TGIF1: variants seen among roughly 807,000 people sequenced by gnomAD.
TGIF1 encodes the protein TGFB induced factor homeobox 1.
TGIF1 carries 4 observed loss-of-function variants against 19.3 expected under a neutral mutation model. The ratio of observed to expected loss-of-function variants is 0.21; its 90% CI spans 0.10 to 0.47. The LOEUF (loss-of-function observed/expected upper bound fraction) is 0.47, where lower values mean the gene tolerates loss of function less well. Ranked by LOEUF, TGIF1 falls within the 20% of genes least tolerant of loss-of-function variation. The probability of loss-of-function intolerance (pLI) is 0.98; values close to 1 mark genes in which losing one functional copy is unlikely to be tolerated. For missense variants in TGIF1, 275 were observed against 341.4 expected (o/e 0.81, Z 1.53); for synonymous variants, 122 against 129.3 (o/e 0.94, Z 0.38).
chr18:3,447,736 G>C, upstream of TGIF1: 1 of 1,614,186 alleles, frequency 6.2e-7, no homozygotes, highest in Non-Finnish European at 8.5e-7. Context: ...ACAACCGTTT[G>C]GATATGACTT....
At chr18:3,423,427 C>G (rs181374546) in intron 2 of TGIF1, among the ~76,000 whole-genome samples, 10 of 152,130 alleles carry the variant, frequency 6.6e-5, no homozygotes, top group East Asian at 1.9e-4. Context: ...CGCTTGTAAT[C>G]CCAGCACTTT....
chr18:3,448,192 C>T (rs1398803529), upstream of TGIF1: 11 of 985,286 alleles, frequency 1.1e-5, no homozygotes, highest in Non-Finnish European at 1.3e-5. Flanking sequence ...CCAGTAACCG[C>T]CCGGTTCCAG....
chr18:3,458,231 TTTG>T lies in TGIF1; in HGVS notation c.*294_*296del, dbSNP rs1466678731. On this transcript the variant is annotated 3_prime_UTR_variant, in exon 3 of 3. Transcript: ENST00000343820. Reference sequence around the variant, plus strand: ...TTTTTTTTTCCTCCCCTTCCCTTTTTTTGTTATTTTTTCAGACTGTGCAATACT... The same window carrying T: ...TTTTTTTTTCCTCCCCTTCCCTTTTTTTATTTTTTCAGACTGTGCAATACT... 5 of 385,866 alleles carry T rather than the reference TTTG, an allele frequency of 1.3e-5. No homozygotes were observed. The highest frequency in any genetic ancestry group is 5.8e-5 in the South Asian group (2 of 34,318). 23.9% of individuals were successfully genotyped at this position (385,866 alleles called of 1,614,324 possible).
rs745307264 is a variant in TGIF1 at position 3,456,372 on chromosome 18, G to T, written c.35G>T (p.Gly12Val). 1.9e-6 allele frequency: 3 copies of T among 1,614,088 alleles called. No individual in the cohort carries two copies. The highest frequency in any genetic ancestry group is 1.6e-4 in the Middle Eastern group (1 of 6,076). The stretch of plus-strand genomic sequence containing the variant: ...TTCCTAGGTATTGTTGCAGCATCTG[G>T]CAGTGAGACTGAGGATGAGGACAGC... Reference protein sequence around the residue: ...KGKKGIVAASGSETEDEDSMD... With the variant: ...KGKKGIVAASVSETEDEDSMD... Residue 12 changes from glycine to valine, a missense_variant, in exon 2 of 3, where the codon GGC becomes GTC. Transcript: ENST00000343820. This position sits in a 1 kb window ranked among gnomAD's most constrained non-coding sequence, Gnocchi z 4.2.
upstream of TGIF1, among the ~76,000 whole-genome samples, chr18:3,446,345 G>A (rs1323088041): frequency 2.0e-5 from 3 of 152,158 alleles, no homozygotes; most frequent in Middle Eastern, 3.4e-3. Context: ...CACCACGCCC[G>A]GCTAATTTTT....
At chr18:3,437,981 G>A (rs1568037735) in intron 2 of TGIF1, among the ~76,000 whole-genome samples, 2 of 152,176 alleles carry the variant, frequency 1.3e-5, no homozygotes, top group South Asian at 4.1e-4. Context: ...CCACTTGGGA[G>A]ACTGAGGCAG....
At chr18:3,440,646 C>T (rs1356874399) in intron 2 of TGIF1, among the ~76,000 whole-genome samples, 1 of 152,164 alleles carries the variant, frequency 6.6e-6, no homozygotes, top group Non-Finnish European at 1.5e-5. Flanking sequence ...ATTTCAGATG[C>T]CTGCTCAGGT....
chr18:3,454,679 T>G (rs1451778882), intron 1 of TGIF1, among the ~76,000 whole-genome samples: 1 of 152,204 alleles, frequency 6.6e-6, no homozygotes, highest in Non-Finnish European at 1.5e-5. Context: ...AAAACCTTTT[T>G]AAAAACTTAA....
In TGIF1 at chr18:3,450,497, G is replaced by A. The variant is rs1190872296; in HGVS notation, c.8G>A (p.Gly3Asp). 1.3e-6 allele frequency: 2 copies of A among 1,563,528 alleles called. No individual in the cohort carries two copies. Among genetic ancestry groups the A allele is most frequent in the African/African-American group, 2.7e-5 (2 of 73,478 alleles). ...TGGGAGGGGAGATCCAGAATGAAAG[G>A]CAAGAAAGGTAAGGCGGCCGCGGGC... MK[G>D]KKGIVAASGS... is the part of the protein sequence containing the mutation. The change falls in exon 1 of 3, where the codon GGC becomes GAC. Residue 3 changes from glycine (G) to aspartate (D), a missense_variant. Coordinates refer to ENST00000343820, the MANE Select transcript of TGIF1 (RefSeq NM_003244.4).
chr18:3,424,620 G>A (rs2082445685), intron 2 of TGIF1, among the ~76,000 whole-genome samples: 1 of 152,190 alleles, frequency 6.6e-6, no homozygotes, highest in African/African-American at 2.4e-5. Context: ...ATAGCCCCAG[G>A]ATAGTGGTTG....
At chr18:3,439,264 C>T (rs901302481) in intron 2 of TGIF1, among the ~76,000 whole-genome samples, 2 of 151,840 alleles carry the variant, frequency 1.3e-5, no homozygotes, top group Non-Finnish European at 2.9e-5. Flanking sequence ...TAAAATTTTC[C>T]ATAATCAAAA....
intron 1 of TGIF1, among the ~76,000 whole-genome samples, chr18:3,450,878 C>T (rs2082895831): frequency 6.6e-6 from 1 of 152,122 alleles, no homozygotes. Context: ...TAGGGAGGAC[C>T]CAGCCCCTCG....
chr18:3,445,753 A>AAAAAAG (rs2082735125), upstream of TGIF1, among the ~76,000 whole-genome samples: 1 of 89,704 alleles, frequency 1.1e-5, no homozygotes, highest in Non-Finnish European at 1.9e-5. Context: ...AAAAAAAAAA[A>AAAAAAG]GAGAAGAAAA....
At chr18:3,430,770 C>T (rs193234605) in intron 2 of TGIF1, among the ~76,000 whole-genome samples, 1 of 151,884 alleles carries the variant, frequency 6.6e-6, no homozygotes, top group South Asian at 2.1e-4. Context: ...CCTCAGCCTC[C>T]CAAAATGCTG....
chr18:3,416,974 A>T (rs2082340933), intron 1 of TGIF1, among the ~76,000 whole-genome samples: 1 of 152,196 alleles, frequency 6.6e-6, no homozygotes, highest in Admixed American at 6.5e-5. Context: ...ATAAAATCAA[A>T]TAAAATTTGA....
At chr18:3,437,155 A>G (rs2082624623) in intron 2 of TGIF1, among the ~76,000 whole-genome samples, 2 of 152,156 alleles carry the variant, frequency 1.3e-5, no homozygotes. Context: ...TTATTTACCC[A>G]GAAAAAAGAG....
rs2082953709 is a variant in TGIF1, at chr18:3,451,920, C to G, written c.16+1415C>G. ...TTGGGAGGACTGACAGGTCTAGAGACACGCGCTGTCTGTTGTGGTGGGCCT... is the reference window on the plus strand; with the variant it reads ...TTGGGAGGACTGACAGGTCTAGAGAGACGCGCTGTCTGTTGTGGTGGGCCT... On this transcript the variant is annotated intron_variant, in intron 1 of 2. Transcript: ENST00000343820. This position sits in a 1 kb window ranked among gnomAD's most constrained non-coding sequence, Gnocchi z 5.4. The G allele has an allele frequency of 1.3e-6, 2 of 1,533,514 alleles. No individual in the cohort carries two copies. The highest frequency in any genetic ancestry group is 4.5e-5 in the East Asian group (2 of 44,168). The allele number at this position is 1,533,514 out of a possible 1,614,324, so 95.0% of individuals were successfully genotyped here. A position where few individuals can be genotyped will look rare whatever the true frequency, so the allele number is the denominator to read the frequency against.
Position 3,450,389 on chromosome 18 carries a change from G to A in TGIF1, c.-101G>A. 6 of 1,544,950 alleles carry A rather than the reference G, an allele frequency of 3.9e-6. No homozygotes were observed. Among genetic ancestry groups the A allele is most frequent in the Non-Finnish European group, 4.4e-6 (5 of 1,143,626 alleles). Reference sequence around the variant, plus strand: ...GCTGGAGCACGTCCTACAAGTTACGGGAGAGTCGGCTGTGAAGGAGACGTT... The same window carrying A: ...GCTGGAGCACGTCCTACAAGTTACGAGAGAGTCGGCTGTGAAGGAGACGTT... On this transcript the variant is annotated 5_prime_UTR_variant, in exon 1 of 3. Coordinates refer to ENST00000343820, the MANE Select transcript of TGIF1 (RefSeq NM_003244.4).
At chr18:3,430,661 C>T (rs1259160661) in intron 2 of TGIF1, among the ~76,000 whole-genome samples, 4 of 151,296 alleles carry the variant, frequency 2.6e-5, no homozygotes, top group Non-Finnish European at 4.4e-5. Flanking sequence ...CATGCCACCA[C>T]ACCCGGCTAA....
Sources: allele counts gnomAD v4.1 joint callset (sites outside exome capture counted in the v4.1 genomes callset), GRCh38; gene constraint gnomAD v4.1.1; non-coding constraint Gnocchi (gnomAD v3.1); transcripts MANE v1.5; gene names NCBI Gene and HGNC (gene_info 2026-07-23, HGNC 2026-07-21).